Variants in CATSPERE observed in about 807,000 individuals in gnomAD.
CATSPERE encodes the protein catsper channel auxiliary subunit epsilon.
A neutral mutation model predicts 114.1 loss-of-function variants in CATSPERE; 93 were observed. That is an observed-to-expected ratio of 0.81 (90% CI 0.69 to 0.97). The LOEUF (loss-of-function observed/expected upper bound fraction) is 0.97, where lower values mean the gene tolerates loss of function less well. Ranked by LOEUF, CATSPERE falls within the 50% of genes least tolerant of loss-of-function variation. The pLI is 0.00. For missense variants in CATSPERE, 1,058 were observed against 1,131.6 expected (o/e 0.93, Z 0.93); for synonymous variants, 341 against 384.1 (o/e 0.89, Z 1.31).
intron 6 of CATSPERE, among the ~76,000 whole-genome samples, chr1:244,494,248 T>C (rs1672718367): frequency 6.6e-6 from 1 of 151,902 alleles, no homozygotes; most frequent in Non-Finnish European, 1.5e-5. Context: ...GTGGCACATA[T>C]ACACCATGGA....
At chr1:244,518,261 T>G (rs1441745109) in intron 7 of CATSPERE, among the ~76,000 whole-genome samples, 9 of 152,182 alleles carry the variant, frequency 5.9e-5, no homozygotes, top group Non-Finnish European at 1.3e-4. Flanking sequence ...ACAAACAGAT[T>G]AGTTTCAGAA....
At chr1:244,490,879 A>G (rs1361798103) in intron 6 of CATSPERE, among the ~76,000 whole-genome samples, 1 of 152,164 alleles carries the variant, frequency 6.6e-6, no homozygotes, top group Non-Finnish European at 1.5e-5. Flanking sequence ...AATTTACCAT[A>G]GTCTTGAAAA....
chr1:244,568,934 T>TA lies in CATSPERE; in HGVS notation c.1508-3395dup, dbSNP rs1664024706. On this transcript the variant is annotated intron_variant, in intron 10 of 21. Coordinates refer to ENST00000366534, the MANE Select transcript of CATSPERE (RefSeq NM_001130957.2). This position sits in a 1 kb window ranked among gnomAD's most constrained non-coding sequence, Gnocchi z 4.4. ...AACAAAGACAAAAAACTCCTGCAGC[T>TA]AGCCTGGTGTCTGCCCAAACGGCTG... 6.6e-6 allele frequency among the ~76,000 whole-genome samples: 1 copy of TA among 152,050 alleles called. No homozygotes were observed. The highest frequency in any genetic ancestry group is 1.5e-5 in the Non-Finnish European group (1 of 67,972).
intron 8 of CATSPERE, among the ~76,000 whole-genome samples, chr1:244,521,380 A>AAC (rs1355040234): frequency 6.6e-6 from 1 of 152,078 alleles, no homozygotes; most frequent in Non-Finnish European, 1.5e-5. Context: ...TAAATCCAGT[A>AAC]ATATATATGA....
At chr1:244,631,354 A>T (rs761307024) in intron 20 of CATSPERE, among the ~76,000 whole-genome samples, 1 of 152,208 alleles carries the variant, frequency 6.6e-6, no homozygotes, top group African/African-American at 2.4e-5. Context: ...AACTCATAGA[A>T]GATAACTAAC....
chr1:244,566,934 A>G (rs1296119031), intron 10 of CATSPERE, among the ~76,000 whole-genome samples: 2 of 151,942 alleles, frequency 1.3e-5, no homozygotes, highest in Admixed American at 1.3e-4. Context: ...CAGTTGCTTC[A>G]TAGTGTCGAT....
intron 2 of CATSPERE, among the ~76,000 whole-genome samples, chr1:244,475,022 T>C (rs1439436281): frequency 6.6e-6 from 1 of 152,130 alleles, no homozygotes; most frequent in Admixed American, 6.5e-5. Context: ...TTGGGGACTA[T>C]CCTAATTGTT....
intron 11 of CATSPERE, 140 bp downstream of exon 11, chr1:244,572,912 A>T: frequency 1.6e-6 from 1 of 634,398 alleles, no homozygotes; most frequent in Non-Finnish European, 2.5e-6. Flanking sequence ...AAATAAAAAC[A>T]CAATAAGCCA....
intron 17 of CATSPERE, among the ~76,000 whole-genome samples, chr1:244,602,831 C>A (rs534812418): frequency 5.9e-5 from 9 of 152,028 alleles, no homozygotes; most frequent in Admixed American, 4.6e-4. Context: ...GATATACAGA[C>A]GCGGAAATGG....
chr1:244,570,578 G>A (rs1211280683), intron 10 of CATSPERE, among the ~76,000 whole-genome samples: 1 of 152,114 alleles, frequency 6.6e-6, no homozygotes, highest in Non-Finnish European at 1.5e-5. Flanking sequence ...ATTTTTCTCT[G>A]TGTGGCTTTA....
intron 8 of CATSPERE, among the ~76,000 whole-genome samples, chr1:244,542,956 A>G (rs1008591889): frequency 6.6e-5 from 10 of 152,260 alleles, no homozygotes; most frequent in African/African-American, 2.2e-4. Flanking sequence ...CAAAAAGACA[A>G]AAGATAAGAA....
rs559792852 is a variant in CATSPERE, at chr1:244,498,392, G to A, written c.352-610G>A. Among the ~76,000 whole-genome samples the A allele has an allele frequency of 2.0e-5, 3 of 152,316 alleles. No homozygotes were observed. The South Asian group carries it at 6.2e-4, about 32-fold the overall frequency. On this transcript the variant is annotated intron_variant, in intron 6 of 21. Coordinates refer to ENST00000366534, the MANE Select transcript of CATSPERE (RefSeq NM_001130957.2). ...GGGTGCAGATGGATTTATGGGAATT[G>A]AGTGATGGAGTACAGGGTGGGAGAG...
chr1:244,578,823 C>CATATACATAT (rs1553369149), intron 11 of CATSPERE, among the ~76,000 whole-genome samples: 1 of 133,018 alleles, frequency 7.5e-6, no homozygotes, highest in Non-Finnish European at 1.6e-5. Context: ...GGTGCATATA[C>CATATACATAT]ATATATATAT....
chr1:244,631,708 CAT>C (rs1357108607), intron 20 of CATSPERE, among the ~76,000 whole-genome samples: 3 of 152,208 alleles, frequency 2.0e-5, no homozygotes, highest in Non-Finnish European at 4.4e-5. Flanking sequence ...AAATGTTCAA[CAT>C]GTTTATGTCA....
At chr1:244,585,669 C>T (rs1405841521) in intron 13 of CATSPERE, among the ~76,000 whole-genome samples, 1 of 152,198 alleles carries the variant, frequency 6.6e-6, no homozygotes, top group Non-Finnish European at 1.5e-5. Context: ...CCATGGCCTA[C>T]AGACTGACCC....
At chr1:244,628,559 A>G (rs1272720947) in intron 20 of CATSPERE, among the ~76,000 whole-genome samples, 1 of 152,166 alleles carries the variant, frequency 6.6e-6, no homozygotes, top group African/African-American at 2.4e-5. Context: ...TTTCATCTCC[A>G]TGCTTTTCCC....
intron 7 of CATSPERE, among the ~76,000 whole-genome samples, chr1:244,512,292 ATTCT>A: frequency 6.6e-6 from 1 of 152,298 alleles, no homozygotes. Flanking sequence ...GAGTTCAGAA[ATTCT>A]TTCTTCTGCT....
intron 8 of CATSPERE, among the ~76,000 whole-genome samples, chr1:244,532,416 T>C (rs1459018804): frequency 5.3e-5 from 8 of 152,176 alleles, no homozygotes; most frequent in Non-Finnish European, 1.0e-4. Flanking sequence ...TATTTGATGT[T>C]TTTCTACTAT....
chr1:244,561,792 A>C (rs1662598046), intron 10 of CATSPERE, among the ~76,000 whole-genome samples: 1 of 152,176 alleles, frequency 6.6e-6, no homozygotes, highest in African/African-American at 2.4e-5. Flanking sequence ...TCATAAGTGT[A>C]TGAAGTATGA....
Sources: gnomAD v4.1 joint callset for allele counts (sites outside exome capture counted in the v4.1 genomes callset) on GRCh38, gnomAD v4.1.1 for gene constraint, Gnocchi (gnomAD v3.1) non-coding constraint, MANE v1.5 for transcripts, NCBI Gene and HGNC (gene_info 2026-07-23, HGNC 2026-07-21) for gene names.